Variants in MEGF8 observed in about 807,000 individuals in gnomAD.
The protein encoded by MEGF8 is multiple EGF like domains 8.
MEGF8 carries 156 observed loss-of-function variants against 302.9 expected under a neutral mutation model. That is an observed-to-expected ratio of 0.52 (90% confidence interval 0.45 to 0.59). The LOEUF (loss-of-function observed/expected upper bound fraction) is 0.59, where lower values mean the gene tolerates loss of function less well. Among genes scored for constraint, MEGF8 ranks in the 20% least tolerant of loss-of-function variants. MEGF8 has a pLI of 0.00. For missense variants in MEGF8, 3,345 were observed against 3,964.5 expected (o/e 0.84, Z 4.20); for synonymous variants, 1,621 against 1,660.5 (o/e 0.98, Z 0.58).
At chr19:42,359,384 C>A in intron 31 of MEGF8, 142 bp downstream of exon 31, 1 of 666,254 alleles carries the variant, frequency 1.5e-6, no homozygotes, top group Non-Finnish European at 2.2e-6. Flanking sequence ...ATTATCTGAA[C>A]ACCAGGACAT....
At chr19:42,340,539 A>AC in intron 8 of MEGF8, among the ~76,000 whole-genome samples, 1 of 151,716 alleles carries the variant, frequency 6.6e-6, no homozygotes. Flanking sequence ...TAATTTTTGT[A>AC]TTTTTTTAGT....
intron 1 of MEGF8, among the ~76,000 whole-genome samples, chr19:42,328,908 T>C (rs1169108005): frequency 6.6e-6 from 1 of 151,854 alleles, no homozygotes; most frequent in African/African-American, 2.4e-5. Flanking sequence ...GACACAGATA[T>C]TCAGCCCCCA....
At position 42,353,562 on chromosome 19, in the gene MEGF8, C is replaced by T. The variant is rs144358189; in HGVS notation, c.3648C>T (p.His1216=). Residue 1216 remains histidine (H), a synonymous_variant, in exon 21 of 42, where the codon CAC becomes CAT. Transcript: ENST00000251268. The surrounding 1 kb of genome is among the most constrained non-coding windows in gnomAD (Gnocchi z 6.1). ...GCCGGCCCTGCCAGTGCAACGGGCA[C>T]GGGGACCCACGCCGTGGCCACTGCG... is the stretch of plus-strand genomic sequence containing the variant. The part of the protein sequence containing the change: ...RGCRPCQCNG[H]GDPRRGHCDN... 3.9e-5 allele frequency: 63 copies of T among 1,602,534 alleles called. No homozygotes were observed. Among genetic ancestry groups the T allele is most frequent in the East Asian group, 2.7e-4 (12 of 44,442 alleles).
In MEGF8 at chr19:42,352,196, C is replaced by A; in HGVS notation, c.3102-12C>A. ...ATGTTGTCCCCCGCTTCTTCACTCT[C>A]CCACCCTGCAGGTGCCTACAGGGGG... On this transcript the variant is annotated splice_polypyrimidine_tract_variant and intron_variant, in intron 18 of 41. Transcript: ENST00000251268. This position sits in a 1 kb window ranked among gnomAD's most constrained non-coding sequence, Gnocchi z 4.4. 1 of 1,509,396 alleles carries A rather than the reference C, an allele frequency of 6.6e-7. No individual in the cohort carries two copies. The highest frequency in any genetic ancestry group is 2.4e-5 in the East Asian group (1 of 42,316). 93.5% of individuals were successfully genotyped at this position (1,509,396 alleles called of 1,614,324 possible). A position where few individuals can be genotyped will look rare whatever the true frequency, so the allele number is the denominator to read the frequency against.
At position 42,376,157 on chromosome 19, in the gene MEGF8, GCAGGAC is replaced by G; in HGVS notation, c.7925_7930del (p.Asp2642_Gln2643del). 1.2e-6 allele frequency: 2 copies of G among 1,610,534 alleles called. No individual in the cohort carries two copies. The highest frequency in any genetic ancestry group is 1.7e-6 in the Non-Finnish European group (2 of 1,179,642). On this transcript the variant is annotated inframe_deletion, in exon 42 of 42. Coordinates refer to ENST00000251268, the MANE Select transcript of MEGF8 (RefSeq NM_001271938.2). This position sits in a 1 kb window ranked among gnomAD's most constrained non-coding sequence, Gnocchi z 8.2. Reference sequence around the variant, plus strand: ...ACTCGCAGGGCCTGCTCTTCTTCCGGCAGGACCAGGCCCACATTGACCTGTTTGTCT... The same window carrying G: ...ACTCGCAGGGCCTGCTCTTCTTCCGGCAGGCCCACATTGACCTGTTTGTCT...
Position 42,351,962 on chromosome 19 carries a change from C to T in MEGF8, c.3101+201C>T, listed in dbSNP as rs992072532. 1.3e-5 allele frequency among the ~76,000 whole-genome samples: 2 copies of T among 152,174 alleles called. No individual in the cohort carries two copies. The highest frequency in any genetic ancestry group is 4.8e-5 in the African/African-American group (2 of 41,436). ...CCTCCTTTTCCGGCTCTCTGCGATT[C>T]GTTTTCTTTCTCCTTGTCTGTTTCT... is the stretch of plus-strand genomic sequence containing the variant. On this transcript the variant is annotated intron_variant, in intron 18 of 41. Coordinates refer to ENST00000251268, the MANE Select transcript of MEGF8 (RefSeq NM_001271938.2). The surrounding 1 kb of genome is among the most constrained non-coding windows in gnomAD (Gnocchi z 5.6).
intron 35 of MEGF8, among the ~76,000 whole-genome samples, chr19:42,363,498 CT>C (rs2039562418): frequency 6.6e-6 from 1 of 152,234 alleles, no homozygotes; most frequent in South Asian, 2.1e-4. Context: ...TTCCCAACCC[CT>C]GGCCTCTGCC....
rs927279478 is a variant in MEGF8, at chr19:42,357,672, T to C, written c.5011+88T>C. On this transcript the variant is annotated intron_variant, in intron 28 of 41. Coordinates refer to ENST00000251268, the MANE Select transcript of MEGF8 (RefSeq NM_001271938.2). The surrounding 1 kb of genome is among the most constrained non-coding windows in gnomAD (Gnocchi z 5.2). The stretch of plus-strand genomic sequence containing the variant: ...GGGCTCTCCATCCACTGCTGTGCTC[T>C]GTGGCCACCTGTCTCCCTCTCTTTC... 1 of 1,163,582 alleles carries C rather than the reference T, an allele frequency of 8.6e-7. No individual in the cohort carries two copies. Among genetic ancestry groups the C allele is most frequent in the African/African-American group, 1.5e-5 (1 of 65,050 alleles). The allele number at this position is 1,163,582 out of a possible 1,614,324, so 72.1% of individuals were successfully genotyped here. A position where few individuals can be genotyped will look rare whatever the true frequency, so the allele number is the denominator to read the frequency against.
intron 8 of MEGF8, among the ~76,000 whole-genome samples, chr19:42,342,636 C>CAA (rs796173686): frequency 5.7e-4 from 66 of 115,866 alleles, no homozygotes; most frequent in Non-Finnish European, 8.9e-4. Flanking sequence ...GACTCTGTCT[C>CAA]AAAAAAAAAA....
chr19:42,351,466 C>T lies in MEGF8; in HGVS notation c.2893C>T (p.Gln965Ter). ...TCEDCLANSSQCAWCQSTHTC... is the reference protein window; with the variant it reads ...TCEDCLANSS ...TGAGGACTGCCTGGCCAACTCTAGC[C>T]AGTGCGCCTGGTGCCAGTCCACCCA... The change falls in exon 17 of 42, where the codon CAG becomes TAG. Residue 965 changes from glutamine (Q) to a stop codon, truncating the protein, a stop_gained. Coordinates refer to ENST00000251268, the MANE Select transcript of MEGF8 (RefSeq NM_001271938.2). LOFTEE classifies it high-confidence loss of function. The surrounding 1 kb of genome is among the most constrained non-coding windows in gnomAD (Gnocchi z 5.6). The T allele has an allele frequency of 6.2e-7, 1 of 1,601,654 alleles. No individual in the cohort carries two copies. The highest frequency in any genetic ancestry group is 8.5e-7 in the Non-Finnish European group (1 of 1,174,528).
chr19:42,363,424 C>T (rs2039561760), intron 35 of MEGF8, among the ~76,000 whole-genome samples, 162 bp downstream of exon 35: 1 of 152,200 alleles, frequency 6.6e-6, no homozygotes, highest in Non-Finnish European at 1.5e-5. Flanking sequence ...CCATCTCTTT[C>T]CTCCCTCGTT....
At chr19:42,341,604 T>C (rs914313994) in intron 8 of MEGF8, among the ~76,000 whole-genome samples, 1 of 152,122 alleles carries the variant, frequency 6.6e-6, no homozygotes, top group Non-Finnish European at 1.5e-5. Flanking sequence ...GCCTGGCTAA[T>C]TAAATAAAAT....
chr19:42,356,254 T>A lies in MEGF8; in HGVS notation c.4503+61T>A. On this transcript the variant is annotated intron_variant, in intron 25 of 41. Transcript: ENST00000251268. This position sits in a 1 kb window ranked among gnomAD's most constrained non-coding sequence, Gnocchi z 5.2. ...CTCCCAGGTCGTTCTCCCACCTCCA[T>A]TCCTGGGACCACCCCTACACCCAGG... 1 of 1,526,382 alleles carries A rather than the reference T, an allele frequency of 6.6e-7. No homozygotes were observed. Among genetic ancestry groups the A allele is most frequent in the East Asian group, 2.4e-5 (1 of 41,208 alleles). The allele number at this position is 1,526,382 out of a possible 1,614,324, so 94.6% of individuals were successfully genotyped here. A position where few individuals can be genotyped will look rare whatever the true frequency, so the allele number is the denominator to read the frequency against.
intron 1 of MEGF8, 98 bp from the exon 2 acceptor site, chr19:42,333,507 A>G: frequency 1.5e-6 from 2 of 1,339,268 alleles, no homozygotes; most frequent in Non-Finnish European, 2.1e-6. Context: ...CCCCAGCATC[A>G]CCTGGATCAG....
chr19:42,356,820 G>C lies in MEGF8; in HGVS notation c.4669G>C (p.Glu1557Gln). 1 of 1,558,114 alleles carries C rather than the reference G, an allele frequency of 6.4e-7. No individual in the cohort carries two copies. The highest frequency in any genetic ancestry group is 8.7e-7 in the Non-Finnish European group (1 of 1,151,126). The change falls in exon 27 of 42, where the codon GAG (glutamate) becomes CAG (glutamine). Residue 1557 changes from glutamate to glutamine, a missense_variant. Transcript: ENST00000251268. This position sits in a 1 kb window ranked among gnomAD's most constrained non-coding sequence, Gnocchi z 5.2. ...RRWTQMLAGA[E>Q]DGGPGPSPRS... ...GTGGACACAGATGCTGGCGGGAGCC[G>C]AGGACGGGGGCCCAGGCCCATCGCC...
chr19:42,331,958 A>G (rs1466230310), intron 1 of MEGF8, among the ~76,000 whole-genome samples: 1 of 151,062 alleles, frequency 6.6e-6, no homozygotes, highest in Non-Finnish European at 1.5e-5. Flanking sequence ...TCCCGGGTTC[A>G]AGCAATTCTC....
chr19:42,327,185 G>T (rs1451726184), intron 1 of MEGF8, among the ~76,000 whole-genome samples: 2 of 152,192 alleles, frequency 1.3e-5, no homozygotes, highest in African/African-American at 4.8e-5. Context: ...ATGGCATTAG[G>T]ATTATTGTTG....
chr19:42,352,972 A>T lies in MEGF8; in HGVS notation c.3395A>T (p.Asp1132Val). Reference sequence around the variant, plus strand: ...CATGGTGTGTGCAGTGGCCCCCCGGACTTTACCTGCGTGTGTGACCTAGGC... The same window carrying T: ...CATGGTGTGTGCAGTGGCCCCCCGGTCTTTACCTGCGTGTGTGACCTAGGC... ...CGHGVCSGPP[D>V]FTCVCDLGWT... The change falls in exon 20 of 42, where the codon GAC (aspartate) becomes GTC (valine). Residue 1132 changes from aspartate to valine, a missense_variant. Transcript: ENST00000251268. This position sits in a 1 kb window ranked among gnomAD's most constrained non-coding sequence, Gnocchi z 4.4. The T allele has an allele frequency of 6.2e-7, 1 of 1,600,742 alleles. No individual in the cohort carries two copies. Among genetic ancestry groups the T allele is most frequent in the Non-Finnish European group, 8.5e-7 (1 of 1,174,522 alleles).
chr19:42,339,702 C>T (rs1230177549), intron 8 of MEGF8, among the ~76,000 whole-genome samples: 2 of 152,172 alleles, frequency 1.3e-5, no homozygotes, highest in Non-Finnish European at 2.9e-5. Context: ...GTAACTTTTT[C>T]AAGATCACAG....
Sources: allele counts gnomAD v4.1 joint callset (sites outside exome capture counted in the v4.1 genomes callset), GRCh38; gene constraint gnomAD v4.1.1; non-coding constraint Gnocchi (gnomAD v3.1); transcripts MANE v1.5; gene names NCBI Gene and HGNC (gene_info 2026-07-23, HGNC 2026-07-21).